The following STK36 variants were observed in gnomAD, a reference collection of about 807,000 sequenced individuals.
STK36 encodes serine/threonine kinase 36, also known as serine/threonine-protein kinase 36.
Under a neutral mutation model 142.2 loss-of-function variants are expected in STK36, and 116 were observed. The observed-to-expected ratio is 0.82, with a 90% CI of 0.70 to 0.95. The LOEUF (loss-of-function observed/expected upper bound fraction) is 0.95, where lower values mean the gene tolerates loss of function less well. Ranked by LOEUF, STK36 falls within the 40% of genes least tolerant of loss-of-function variation. The pLI is 0.00. For missense variants in STK36, 1,422 were observed against 1,617.2 expected, an observed-to-expected ratio of 0.88 and a Z score of 2.07; for synonymous variants, 619 against 641.7, an observed-to-expected ratio of 0.96 and a Z score of 0.53.
At chr2:218,677,263 C>T (rs894418257) in intron 6 of STK36, among the ~76,000 whole-genome samples, 2 of 152,190 alleles carry the variant, frequency 1.3e-5, no homozygotes, top group Admixed American at 6.5e-5. Flanking sequence ...AGCCAGATCT[C>T]GTGAAAATTC....
chr2:218,683,961 CTTT>C (rs35930271), intron 10 of STK36, among the ~76,000 whole-genome samples: 13 of 135,866 alleles, frequency 9.6e-5, no homozygotes, highest in Admixed American at 7.4e-4. Flanking sequence ...ATATGTGCCA[CTTT>C]TTTTTTTTTT....
chr2:218,679,361 T>C (rs1940397854), intron 7 of STK36, 100 bp downstream of exon 7: 19 of 1,347,870 alleles, frequency 1.4e-5, no homozygotes, highest in Non-Finnish European at 2.0e-5. Context: ...CATGTCGTCT[T>C]TCCTCCAGCA....
intron 10 of STK36, among the ~76,000 whole-genome samples, chr2:218,682,039 T>C (rs891552798): frequency 4.6e-5 from 7 of 152,208 alleles, no homozygotes; most frequent in African/African-American, 1.7e-4. Context: ...GCGATTCTCC[T>C]GCCTCAGCCT....
chr2:218,679,848 G>A (rs1421493134), intron 8 of STK36, 45 bp from the exon 9 acceptor site: 4 of 1,604,632 alleles, frequency 2.5e-6, no homozygotes, highest in African/African-American at 1.3e-5. Context: ...TTGTCCTATA[G>A]CAATCAAATA....
intron 10 of STK36, among the ~76,000 whole-genome samples, chr2:218,681,532 C>T (rs1483802916): frequency 1.3e-5 from 2 of 151,912 alleles, no homozygotes; most frequent in South Asian, 4.2e-4. Flanking sequence ...CCTGTGTATA[C>T]CCTTGTCTTA....
rs976356197 is a variant in STK36, at chr2:218,672,109, C to A, written c.-196C>A. 5 of 1,016,968 alleles carry A rather than the reference C, an allele frequency of 4.9e-6. No individual in the cohort carries two copies. The highest frequency in any genetic ancestry group is 3.2e-5 in the African/African-American group (2 of 62,912). The allele number at this position is 1,016,968 out of a possible 1,614,324, so 63.0% of individuals were successfully genotyped here. On this transcript the variant is annotated 5_prime_UTR_variant, in exon 1 of 27. Transcript: ENST00000295709. ...TTAGCCGGGCCTGATGGCCCTGAGG[C>A]AGTTCGGATGTGTCCCAGGAAGTGC...
intron 4 of STK36, among the ~76,000 whole-genome samples, chr2:218,674,957 C>T (rs1417702050): frequency 6.6e-6 from 1 of 152,110 alleles, no homozygotes; most frequent in Non-Finnish European, 1.5e-5. Context: ...TGAAAAAAGG[C>T]ATTTTGTCTT....
rs1046160691 is a variant in STK36 at position 218,688,954 on chromosome 2, C to G, written c.1560+78C>G. 1.2e-5 allele frequency: 17 copies of G among 1,405,158 alleles called. No individual in the cohort carries two copies. In the African/African-American group the frequency reaches 1.6e-4, roughly 13 times the overall value. The allele number at this position is 1,405,158 out of a possible 1,614,324, so 87.0% of individuals were successfully genotyped here. ...ATTTATCTCATTCAGATTGCCATCTCTCTTTGGTCTGACTGCCTTTTATTT... is the reference window on the plus strand; with the variant it reads ...ATTTATCTCATTCAGATTGCCATCTGTCTTTGGTCTGACTGCCTTTTATTT... On this transcript the variant is annotated intron_variant, in intron 12 of 26. Coordinates refer to ENST00000295709, the MANE Select transcript of STK36 (RefSeq NM_015690.5).
In STK36 at chr2:218,679,575, C is replaced by G. The variant is rs1441521429; in HGVS notation, c.794C>G (p.Ala265Gly). ...CTCCCTGCAGTAATAACTGAGCCAG[C>G]AGGCCCAGATTTGGGGACCCCATTC... ...AGHVTIITEP[A>G]GPDLGTPFTS... is the part of the protein sequence containing the mutation. The change falls in exon 8 of 27, where the codon GCA becomes GGA. Residue 265 changes from alanine (A) to glycine (G), a missense_variant. By Grantham distance (60) the Ala-to-Gly change is moderately conservative. Transcript: ENST00000295709. The G allele has an allele frequency of 1.1e-5, 17 of 1,613,746 alleles. No individual in the cohort carries two copies. Among genetic ancestry groups the G allele is most frequent in the Non-Finnish European group, 1.4e-5 (17 of 1,179,878 alleles).
intron 15 of STK36, 126 bp from the exon 16 acceptor site, chr2:218,692,457 C>A (rs1169712595): frequency 6.0e-6 from 9 of 1,491,206 alleles, no homozygotes; most frequent in Non-Finnish European, 8.1e-6. Context: ...AACAAACAGA[C>A]CTCATCCTGC....
chr2:218,696,588 A>T lies in STK36; in HGVS notation c.2573A>T (p.Gln858Leu). The T allele has an allele frequency of 6.2e-7, 1 of 1,614,102 alleles. No homozygotes were observed. Among genetic ancestry groups the T allele is most frequent in the Non-Finnish European group, 8.5e-7 (1 of 1,179,974 alleles). The change falls in exon 22 of 27, where the codon CAG becomes CTG. Residue 858 changes from glutamine (Q) to leucine (L), a missense_variant. Physicochemically the swap from Gln to Leu is moderately radical, Grantham distance 113. Around this residue, in one of 2 missense-constraint regions of STK36, gnomAD observed 962 missense variants for 1,167.5 expected, o/e 0.82. Coordinates refer to ENST00000295709, the MANE Select transcript of STK36 (RefSeq NM_015690.5). ...GATGGCCTCCTTATCCTTCTGTTGC[A>T]GCTCCTCACTGAGGTACAGATGGAT... ...FYDGLLILLL[Q>L]LLTEQGKASL...
At position 218,694,141 on chromosome 2, in the gene STK36, C is replaced by T. The variant is rs892643340; in HGVS notation, c.2337-123C>T. 2.6e-5 allele frequency: 30 copies of T among 1,170,986 alleles called. No homozygotes were observed. The highest frequency in any genetic ancestry group is 3.5e-5 in the Admixed American group (2 of 57,764). 72.5% of individuals were successfully genotyped at this position (1,170,986 alleles called of 1,614,324 possible). ...ACAAAGAACAGACCTAGACTCCCATCAACTTTGTGCCTTGGAGGTAGACAT... is the reference window on the plus strand; with the variant it reads ...ACAAAGAACAGACCTAGACTCCCATTAACTTTGTGCCTTGGAGGTAGACAT... On this transcript the variant is annotated intron_variant, in intron 19 of 26. Transcript: ENST00000295709. The surrounding 1 kb of genome is among the most constrained non-coding windows in gnomAD (Gnocchi z 4.4).
In STK36 at chr2:218,696,956, T is replaced by C. The variant is rs1283473841; in HGVS notation, c.2587-83T>C. ...TTATTTCTGGGACTTCCTTTACTTG[T>C]AAGTCAGGGACAGGAATGAATAAAA... On this transcript the variant is annotated intron_variant, in intron 22 of 26. Transcript: ENST00000295709. 2.0e-5 allele frequency: 31 copies of C among 1,555,620 alleles called. No individual in the cohort carries two copies. In the Admixed American group the frequency reaches 5.2e-4, roughly 26 times the overall value.
intron 10 of STK36, among the ~76,000 whole-genome samples, chr2:218,683,173 A>C (rs967910004): frequency 1.3e-5 from 2 of 152,102 alleles, no homozygotes; most frequent in African/African-American, 4.8e-5. Context: ...ATAGTGGTGC[A>C]ATCATGGCTC....
At chr2:218,689,511 A>G (rs922871628) in intron 12 of STK36, among the ~76,000 whole-genome samples, 5 of 152,204 alleles carry the variant, frequency 3.3e-5, no homozygotes, top group Non-Finnish European at 7.3e-5. Context: ...AGTCAGTGTA[A>G]ATGCCTAATA....
In STK36 at chr2:218,685,136, G is replaced by T. The variant is rs780224668; in HGVS notation, c.1288G>T (p.Val430Leu). The T allele has an allele frequency of 6.2e-7, 1 of 1,614,184 alleles. No individual in the cohort carries two copies. The highest frequency in any genetic ancestry group is 1.1e-5 in the South Asian group (1 of 91,084). Residue 430 changes from valine to leucine, a missense_variant, in exon 11 of 27, where the codon GTG becomes TTG. This residue lies in a region of STK36 where 962 missense variants were observed against 1,167.5 expected (regional missense o/e 0.82). Transcript: ENST00000295709. ...WQHLLETTEP[V>L]PIQLKAPLTL... ...GCACCTGCTAGAGACCACTGAGCCT[G>T]TGCCTATTCAACTGAAGGCTCCTCT...
chr2:218,696,484 A>G (rs768839084), intron 21 of STK36, 43 bp from the exon 22 acceptor site: 11 of 1,583,802 alleles, frequency 6.9e-6, no homozygotes, highest in African/African-American at 1.3e-5. Flanking sequence ...CGGACACCCC[A>G]TTCCTCTTAG....
Position 218,694,781 on chromosome 2 carries a change from T to A in STK36, c.2511+146T>A, listed in dbSNP as rs1184075592. ...TCAAGGAGCCCTTCCTTTTCTAGAT[T>A]TGTCGCCGGATGATAGGCCCCTCTG... On this transcript the variant is annotated intron_variant, in intron 21 of 26. Transcript: ENST00000295709. This position sits in a 1 kb window ranked among gnomAD's most constrained non-coding sequence, Gnocchi z 4.4. 2 of 689,924 alleles carry A rather than the reference T, an allele frequency of 2.9e-6. No homozygotes were observed. The highest frequency in any genetic ancestry group is 4.9e-6 in the Non-Finnish European group (2 of 406,610). 42.7% of individuals were successfully genotyped at this position (689,924 alleles called of 1,614,324 possible). A position where few individuals can be genotyped will look rare whatever the true frequency, so the allele number is the denominator to read the frequency against.
chr2:218,672,718 T>C, intron 1 of STK36, 23 bp from the exon 2 acceptor site: 1 of 1,017,586 alleles, frequency 9.8e-7, no homozygotes, highest in African/African-American at 1.6e-5. Context: ...GCTAACATTT[T>C]TCCTTTCCCG....
Sources: allele counts gnomAD v4.1 joint callset (sites outside exome capture counted in the v4.1 genomes callset), GRCh38; gene constraint gnomAD v4.1.1; regional missense constraint gnomAD v4.1.1; non-coding constraint Gnocchi (gnomAD v3.1); transcripts MANE v1.5; gene names NCBI Gene and HGNC (gene_info 2026-07-23, HGNC 2026-07-21).